The following EPG5 variants were observed in gnomAD, a reference collection of about 807,000 sequenced individuals.
EPG5 encodes the protein ectopic P-granules 5 autophagy tethering factor.
In EPG5, 159 loss-of-function variants were observed where a neutral mutation model predicts 302.7. The observed-to-expected ratio is 0.53, with a 90% CI of 0.46 to 0.60. The LOEUF (loss-of-function observed/expected upper bound fraction) is 0.60, where lower values mean the gene tolerates loss of function less well. EPG5 is among the 20% of genes least tolerant of loss of function. The pLI is 0.00. For missense variants in EPG5, 2,896 were observed against 3,092.4 expected (o/e 0.94, Z 1.51); for synonymous variants, 1,158 against 1,136.8 (o/e 1.02, Z -0.37).
Position 45,849,156 on chromosome 18 carries a change from G to A in EPG5, c.*3311C>T, listed in dbSNP as rs946806545. The A allele has an allele frequency of 2.6e-5, 4 of 152,028 alleles. No individual in the cohort carries two copies. The highest frequency in any genetic ancestry group is 4.4e-5 in the Non-Finnish European group (3 of 68,060). The allele number at this position is 152,028 out of a possible 1,614,324, so 9.4% of individuals were successfully genotyped here. ...CTAAGAGGTGAGGGGTGGGGTGGAA[G>A]TGGTGTTAGACATGTGATGAAAACT... On this transcript the variant is annotated 3_prime_UTR_variant, in exon 44 of 44. Transcript: ENST00000282041.
intron 43 of EPG5, 30 bp from the exon 44 acceptor site, chr18:45,852,679 CT>C: frequency 6.3e-7 from 1 of 1,596,668 alleles, no homozygotes; most frequent in Non-Finnish European, 8.6e-7. Flanking sequence ...AGAGGGTTAA[CT>C]CCATAGAGGC....
chr18:45,839,198 G>GT, the EPG5 span: 1,925 of 1,317,316 alleles, frequency 1.5e-3, 29 homozygotes, highest in African/African-American at 0.027. Flanking sequence ...CAGAATGTCG[G>GT]TTTTTTTGCC....
At chr18:45,837,768 A>G in the EPG5 span, 2 of 1,522,980 alleles carry the variant, frequency 1.3e-6, no homozygotes, top group Middle Eastern at 4.4e-4. Flanking sequence ...CCGCGCCGCA[A>G]CGACCTCTCG....
intron 22 of EPG5, 86 bp from the exon 23 acceptor site, chr18:45,910,828 CA>C (rs2049875966): frequency 3.0e-6 from 3 of 993,350 alleles, no homozygotes; most frequent in Admixed American, 2.4e-5. Context: ...ATTAGCAAGG[CA>C]ATTTACTGTG....
intron 24 of EPG5, among the ~76,000 whole-genome samples, chr18:45,905,835 A>T (rs2049737181): frequency 6.6e-6 from 1 of 152,200 alleles, no homozygotes; most frequent in Non-Finnish European, 1.5e-5. Flanking sequence ...AAAAACACTG[A>T]CCAAGTACCT....
At chr18:45,948,118 G>T (rs1252236414) in intron 6 of EPG5, among the ~76,000 whole-genome samples, 2 of 152,076 alleles carry the variant, frequency 1.3e-5, no homozygotes, top group Non-Finnish European at 2.9e-5. Flanking sequence ...GAAACACTCT[G>T]ACTACTCCAC....
At position 45,929,021 on chromosome 18, in the gene EPG5, G is replaced by T. The variant is rs371292227; in HGVS notation, c.2413-12C>A. ...GTGACATAAGATACCTAAATGGGGG[G>T]AAGGGGGAAGAAGATGGCACTTTTA... On this transcript the variant is annotated splice_polypyrimidine_tract_variant and intron_variant, in intron 12 of 43. Coordinates refer to ENST00000282041, the MANE Select transcript of EPG5 (RefSeq NM_020964.3). 6.2e-7 allele frequency: 1 copy of T among 1,610,402 alleles called. No homozygotes were observed. Among genetic ancestry groups the T allele is most frequent in the Non-Finnish European group, 8.5e-7 (1 of 1,178,292 alleles).
chr18:45,867,000 G>C lies in EPG5; in HGVS notation c.6419C>G (p.Pro2140Arg). 1.2e-6 allele frequency: 2 copies of C among 1,613,390 alleles called. No individual in the cohort carries two copies. Among genetic ancestry groups the C allele is most frequent in the South Asian group, 1.1e-5 (1 of 91,068 alleles). ...TGTCTGTCCAAGGAGACTAAGTAAA[G>C]GTGAATCCTAAAAATAAAACACATA... is the stretch of plus-strand genomic sequence containing the variant. Reference protein sequence around the residue: ...EVQLVDQTDSPLLSLLGQTSS... With the variant: ...EVQLVDQTDSRLLSLLGQTSS... The change falls in exon 38 of 44, where the codon CCT becomes CGT. Residue 2140 changes from proline (P) to arginine (R), a missense_variant. Pro to Arg is a moderately radical substitution (Grantham distance 103, BLOSUM62 -2). Coordinates refer to ENST00000282041, the MANE Select transcript of EPG5 (RefSeq NM_020964.3).
At position 45,852,280 on chromosome 18, in the gene EPG5, A is replaced by AACAC. The variant is rs112643058; in HGVS notation, c.*183_*186dup. On this transcript the variant is annotated 3_prime_UTR_variant, in exon 44 of 44. Coordinates refer to ENST00000282041, the MANE Select transcript of EPG5 (RefSeq NM_020964.3). ...CCCAGAAGGTCTTAAGAGCTAAGAA[A>AACAC]ACACACACACACACACACACACACC... The AACAC allele has an allele frequency of 0.02, 9,869 of 488,078 alleles. 575 individuals carry two copies. The highest frequency in any genetic ancestry group is 0.17 in the African/African-American group (8,119 of 48,938). 30.2% of individuals were successfully genotyped at this position (488,078 alleles called of 1,614,324 possible). A position where few individuals can be genotyped will look rare whatever the true frequency, so the allele number is the denominator to read the frequency against.
chr18:45,833,733 TGTTA>T, the EPG5 span, among the ~76,000 whole-genome samples: 1 of 152,212 alleles, frequency 6.6e-6, no homozygotes, highest in Non-Finnish European at 1.5e-5. Flanking sequence ...TTGCTGTTGC[TGTTA>T]GTTCATAAAC....
At chr18:45,855,449 A>C (rs1171600863) in intron 43 of EPG5, 124 bp downstream of exon 43, 4 of 639,058 alleles carry the variant, frequency 6.3e-6, no homozygotes, top group African/African-American at 1.8e-5. Flanking sequence ...GGCACATGAA[A>C]GGGAACACTG....
chr18:45,822,027 G>T, the EPG5 span, among the ~76,000 whole-genome samples: 1 of 152,170 alleles, frequency 6.6e-6, no homozygotes, highest in Admixed American at 6.5e-5. Context: ...ACTACTATAT[G>T]ATTCAGCAAT....
At chr18:45,957,798 T>C (rs1429271532) in intron 1 of EPG5, among the ~76,000 whole-genome samples, 1 of 152,212 alleles carries the variant, frequency 6.6e-6, no homozygotes, top group Non-Finnish European at 1.5e-5. Flanking sequence ...TAGTTTTTCT[T>C]GGAAAATCAT....
chr18:45,870,278 T>C (rs1041073049), intron 36 of EPG5, among the ~76,000 whole-genome samples: 2 of 152,112 alleles, frequency 1.3e-5, no homozygotes, highest in African/African-American at 4.8e-5. Context: ...AGATTAAGCA[T>C]AACGGAGGCA....
chr18:45,886,726 T>G (rs2049226331), intron 29 of EPG5, among the ~76,000 whole-genome samples: 2 of 152,224 alleles, frequency 1.3e-5, no homozygotes, highest in Non-Finnish European at 2.9e-5. Flanking sequence ...TAGCATGATT[T>G]CCGCTCACCG....
intron 35 of EPG5, among the ~76,000 whole-genome samples, chr18:45,874,246 G>A (rs891813606): frequency 4.6e-5 from 7 of 152,164 alleles, no homozygotes; most frequent in African/African-American, 1.7e-4. Flanking sequence ...GGGAAGGCTT[G>A]TGCATGTGTG....
intron 1 of EPG5, among the ~76,000 whole-genome samples, chr18:45,966,954 G>T (rs549973441): frequency 9.8e-4 from 150 of 152,288 alleles, no homozygotes; most frequent in African/African-American, 3.4e-3. Flanking sequence ...ACAGGAGGGA[G>T]AAGGAAAAAT....
At chr18:45,857,140 G>C (rs1349280493) in intron 42 of EPG5, among the ~76,000 whole-genome samples, 1 of 151,646 alleles carries the variant, frequency 6.6e-6, no homozygotes, top group African/African-American at 2.4e-5. Context: ...GACAGGGTCT[G>C]ACTCTGTCAC....
chr18:45,816,066 C>G, the EPG5 span, among the ~76,000 whole-genome samples: 1 of 152,162 alleles, frequency 6.6e-6, no homozygotes, highest in Non-Finnish European at 1.5e-5. Flanking sequence ...ACAAATGGTG[C>G]TGGGATAACT....
Sources: allele counts gnomAD v4.1 joint callset (sites outside exome capture counted in the v4.1 genomes callset), GRCh38; gene constraint gnomAD v4.1.1; transcripts MANE v1.5; gene names NCBI Gene and HGNC (gene_info 2026-07-23, HGNC 2026-07-21).